CACNA1E: variants seen among roughly 807,000 people sequenced by gnomAD.
CACNA1E encodes the protein calcium voltage-gated channel subunit alpha1 E, also known as voltage-dependent R-type calcium channel subunit alpha-1E.
A neutral mutation model predicts 259.2 loss-of-function variants in CACNA1E; 40 were observed. That is an observed-to-expected ratio of 0.15 (90% CI 0.12 to 0.20). The LOEUF (loss-of-function observed/expected upper bound fraction) is 0.20. Among genes scored for constraint, CACNA1E ranks in the 10% least tolerant of loss-of-function variants. The probability of loss-of-function intolerance (pLI) is 1.00; values close to 1 mark genes in which losing one functional copy is unlikely to be tolerated. For missense variants in CACNA1E, 1,874 were observed against 3,040.1 expected, an observed-to-expected ratio of 0.62 and a Z score of 9.02; for synonymous variants, 1,104 against 1,138.5, an observed-to-expected ratio of 0.97 and a Z score of 0.61.
chr1:181,781,010 C>T (rs1660380729), intron 38 of CACNA1E, among the ~76,000 whole-genome samples: 1 of 152,100 alleles, frequency 6.6e-6, no homozygotes, highest in Non-Finnish European at 1.5e-5. Context: ...ACACACAGCC[C>T]TGGGAATTGA....
chr1:181,332,086 C>T (rs967537755), intron 1 of CACNA1E, among the ~76,000 whole-genome samples: 4 of 152,178 alleles, frequency 2.6e-5, no homozygotes, highest in African/African-American at 9.7e-5. Context: ...GAGCTAGAAG[C>T]CATTATCCTC....
chr1:181,570,050 T>A (rs528267606), intron 3 of CACNA1E, among the ~76,000 whole-genome samples: 1 of 152,146 alleles, frequency 6.6e-6, no homozygotes, highest in Admixed American at 6.5e-5. Context: ...CCAGGAGGGG[T>A]CTGAGAGGTC....
At chr1:181,422,400 C>T (rs1658816316) in intron 2 of CACNA1E, among the ~76,000 whole-genome samples, 2 of 152,336 alleles carry the variant, frequency 1.3e-5, no homozygotes, top group South Asian at 4.1e-4. Context: ...CACCTGGCCT[C>T]TGATAGCCCT....
At chr1:181,336,995 ATATT>A (rs1303041538) in intron 1 of CACNA1E, among the ~76,000 whole-genome samples, 3 of 148,446 alleles carry the variant, frequency 2.0e-5, no homozygotes, top group African/African-American at 4.9e-5. Context: ...TTATATATCT[ATATT>A]TATTTTAATT....
rs75952567 is a variant in CACNA1E, at chr1:181,523,613, T to G, written c.512+12103T>G. 4.1e-3 allele frequency among the ~76,000 whole-genome samples: 619 copies of G among 152,308 alleles called. 3 individuals carry two copies. The highest frequency in any genetic ancestry group is 6.4e-3 in the Non-Finnish European group (438 of 68,026). On this transcript the variant is annotated intron_variant, in intron 3 of 47. Coordinates refer to ENST00000367573, the MANE Select transcript of CACNA1E (RefSeq NM_001205293.3). ...TAGAAAAAGGAATGGCTCTGGGTAA[T>G]AACAATTATTTAACCATGTTGTTAA...
chr1:181,441,350 C>T (rs1660461432), intron 2 of CACNA1E, among the ~76,000 whole-genome samples: 3 of 152,288 alleles, frequency 2.0e-5, no homozygotes. Context: ...CGGGGTTTCC[C>T]CATGTTGGTC....
At chr1:181,415,389 C>T (rs1391973473) in intron 2 of CACNA1E, among the ~76,000 whole-genome samples, 2 of 152,072 alleles carry the variant, frequency 1.3e-5, no homozygotes, top group African/African-American at 4.8e-5. Context: ...TTCACTTGGG[C>T]AGGTCCATGA....
At chr1:181,634,734 C>T (rs951556805) in intron 6 of CACNA1E, among the ~76,000 whole-genome samples, 1 of 152,140 alleles carries the variant, frequency 6.6e-6, no homozygotes, top group Admixed American at 6.5e-5. Context: ...TTCTGCCCCT[C>T]ATTATCCACA....
chr1:181,338,330 C>T (rs1029398009), intron 1 of CACNA1E, among the ~76,000 whole-genome samples: 1 of 152,084 alleles, frequency 6.6e-6, no homozygotes, highest in African/African-American at 2.4e-5. Context: ...AGTGATCTGC[C>T]CGTCTCAGCC....
At chr1:181,498,792 T>C (rs1247148069) in intron 1 of CACNA1E, among the ~76,000 whole-genome samples, 1 of 152,170 alleles carries the variant, frequency 6.6e-6, no homozygotes, top group African/African-American at 2.4e-5. Flanking sequence ...TCACATTTTC[T>C]CTTCTTTCCT....
At chr1:181,346,016 G>C (rs535851075) in intron 1 of CACNA1E, among the ~76,000 whole-genome samples, 16 of 152,218 alleles carry the variant, frequency 1.1e-4, no homozygotes, top group Non-Finnish European at 2.9e-5. Context: ...ATGGCCAACC[G>C]GACGTGCAAG....
intron 6 of CACNA1E, among the ~76,000 whole-genome samples, chr1:181,640,190 T>C (rs1369422504): frequency 6.6e-6 from 1 of 152,182 alleles, no homozygotes; most frequent in Middle Eastern, 3.2e-3. Flanking sequence ...TGGGAAGATA[T>C]TTTGTGCACA....
chr1:181,448,871 G>T (rs989575799), intron 2 of CACNA1E, among the ~76,000 whole-genome samples: 13 of 152,132 alleles, frequency 8.5e-5, no homozygotes, highest in African/African-American at 3.1e-4. Context: ...CTGGGACTCT[G>T]CAGAGAGGCT....
intron 43 of CACNA1E, among the ~76,000 whole-genome samples, chr1:181,789,366 C>T (rs923516707): frequency 6.6e-6 from 1 of 152,190 alleles, no homozygotes; most frequent in Admixed American, 6.5e-5. Context: ...ATATCTTCTC[C>T]TGTAATCTAA....
At chr1:181,683,206 T>C (rs906407470) in intron 7 of CACNA1E, among the ~76,000 whole-genome samples, 8 of 152,234 alleles carry the variant, frequency 5.3e-5, no homozygotes, top group East Asian at 1.9e-4. Context: ...GTCTAGCAAG[T>C]GGCACTTTAT....
chr1:181,671,152 A>G (rs1220145114), intron 7 of CACNA1E, among the ~76,000 whole-genome samples: 2 of 152,072 alleles, frequency 1.3e-5, no homozygotes, highest in Non-Finnish European at 2.9e-5. Context: ...TCCCACCTCA[A>G]CCTTCCCAGT....
intron 43 of CACNA1E, among the ~76,000 whole-genome samples, chr1:181,787,733 G>T (rs1219484288): frequency 6.6e-6 from 1 of 152,132 alleles, no homozygotes; most frequent in African/African-American, 2.4e-5. Flanking sequence ...TCAGTTTGAG[G>T]GTTTAGAGAG....
At chr1:181,558,088 A>G (rs6685370) in intron 3 of CACNA1E, among the ~76,000 whole-genome samples, 1 of 152,164 alleles carries the variant, frequency 6.6e-6, no homozygotes, top group Non-Finnish European at 1.5e-5. Context: ...CCTGGAGAAG[A>G]GAATAATTCC....
chr1:181,374,173 A>T (rs1051009772), intron 1 of CACNA1E, among the ~76,000 whole-genome samples: 1 of 152,094 alleles, frequency 6.6e-6, no homozygotes, highest in African/African-American at 2.4e-5. Flanking sequence ...ACTGCTTTAG[A>T]TGTGTCCCAG....
Sources: allele counts gnomAD v4.1 joint callset (sites outside exome capture counted in the v4.1 genomes callset), GRCh38; gene constraint gnomAD v4.1.1; transcripts MANE v1.5; gene names NCBI Gene and HGNC (gene_info 2026-07-23, HGNC 2026-07-21).